The following THRAP3 variants were observed in gnomAD, a reference collection of about 807,000 sequenced individuals.
THRAP3 encodes the protein thyroid hormone receptor-associated protein 3.
A neutral mutation model predicts 101.0 loss-of-function variants in THRAP3; 16 were observed. The observed-to-expected ratio is 0.16, with a 90% CI of 0.11 to 0.24. The LOEUF (loss-of-function observed/expected upper bound fraction) is 0.24. Ranked by LOEUF, THRAP3 falls within the 10% of genes least tolerant of loss-of-function variation. The probability of loss-of-function intolerance (pLI) is 1.00; values close to 1 mark genes in which losing one functional copy is unlikely to be tolerated. For missense variants in THRAP3, 989 were observed against 1,202.7 expected, an observed-to-expected ratio of 0.82 and a Z score of 2.63; for synonymous variants, 407 against 422.6, an observed-to-expected ratio of 0.96 and a Z score of 0.45.
At position 36,259,463 on chromosome 1, in the gene THRAP3, G is replaced by T. The variant is rs1645416437; in HGVS notation, c.-53G>T. 5.0e-6 allele frequency: 2 copies of T among 398,620 alleles called. No individual in the cohort carries two copies. The highest frequency in any genetic ancestry group is 2.1e-5 in the African/African-American group (1 of 48,748). 24.7% of individuals were successfully genotyped at this position (398,620 alleles called of 1,614,324 possible). On this transcript the variant is annotated 5_prime_UTR_variant, in exon 2 of 12. Transcript: ENST00000354618. ...GGGTAGTGTCTGGGATCCAGTACGA[G>T]TTGAATCATTGTTCAAATAAGGTAA...
chr1:36,234,051 GCCCAGGGAGTCCT>G, intron 1 of THRAP3, among the ~76,000 whole-genome samples: 1 of 151,984 alleles, frequency 6.6e-6, no homozygotes, highest in East Asian at 1.9e-4. Flanking sequence ...GACCTCTTGG[GCCCAGGGAGTCCT>G]CCCACCTCAG....
At chr1:36,293,372 G>A (rs1487967482) in intron 7 of THRAP3, among the ~76,000 whole-genome samples, 1 of 152,142 alleles carries the variant, frequency 6.6e-6, no homozygotes, top group Non-Finnish European at 1.5e-5. Flanking sequence ...AATATTTCAT[G>A]GTAGTTTAAT....
rs1378987633 is a variant in THRAP3 at position 36,296,719 on chromosome 1, AAAGGTC to A, written c.2254_2259del (p.Arg752_Ser753del). The A allele has an allele frequency of 1.1e-5, 17 of 1,607,192 alleles. No individual in the cohort carries two copies. Among genetic ancestry groups the A allele is most frequent in the Non-Finnish European group, 1.4e-5 (17 of 1,178,462 alleles). ...TCCCGAGACTCCAGTCACTCAAGGG[AAAGGTC>A]AGCTGAAAAAACAGAGAAAACTCAT... On this transcript the variant is annotated inframe_deletion, in exon 9 of 12. Coordinates refer to ENST00000354618, the MANE Select transcript of THRAP3 (RefSeq NM_005119.4).
chr1:36,226,539 G>A (rs181723686), intron 1 of THRAP3, among the ~76,000 whole-genome samples: 2 of 152,242 alleles, frequency 1.3e-5, no homozygotes, highest in African/African-American at 2.4e-5. Context: ...GATTACAGGC[G>A]TAAGCCACCG....
the THRAP3 span, among the ~76,000 whole-genome samples, chr1:36,218,685 GCA>G: frequency 1.3e-5 from 2 of 151,852 alleles, no homozygotes; most frequent in African/African-American, 4.8e-5. Flanking sequence ...TTGTGCCACT[GCA>G]CTCCAGCCTG....
At chr1:36,212,418 C>CTTTTTTTTTT in the THRAP3 span, among the ~76,000 whole-genome samples, 51 of 122,050 alleles carry the variant, frequency 4.2e-4, 1 homozygote, top group African/African-American at 1.5e-3. Context: ...TTCTTTCTTT[C>CTTTTTTTTTT]TTTTTTTTTT....
chr1:36,236,342 A>G (rs1307335361), intron 1 of THRAP3, among the ~76,000 whole-genome samples: 1 of 152,118 alleles, frequency 6.6e-6, no homozygotes, highest in Non-Finnish European at 1.5e-5. Context: ...AATTTAGTTC[A>G]TCAGTCATAC....
At chr1:36,269,768 A>G (rs1645564755) in intron 2 of THRAP3, among the ~76,000 whole-genome samples, 1 of 151,826 alleles carries the variant, frequency 6.6e-6, no homozygotes, top group African/African-American at 2.4e-5. Context: ...CTGTAGAGAC[A>G]GGGTCTCACT....
the THRAP3 span, among the ~76,000 whole-genome samples, chr1:36,213,816 C>T: frequency 5.3e-5 from 8 of 150,162 alleles, no homozygotes; most frequent in East Asian, 1.6e-3. Context: ...CATTGCACTC[C>T]AGCCTGGGCA....
At chr1:36,220,824 G>A (rs1053857529), upstream of THRAP3, among the ~76,000 whole-genome samples, 13 of 151,476 alleles carry the variant, frequency 8.6e-5, no homozygotes, top group East Asian at 2.3e-3. Flanking sequence ...GTGAGGTGGC[G>A]GGTACCTGTA....
chr1:36,235,133 G>T (rs1645070694), intron 1 of THRAP3, among the ~76,000 whole-genome samples: 1 of 152,044 alleles, frequency 6.6e-6, no homozygotes, highest in Non-Finnish European at 1.5e-5. Flanking sequence ...TTAAATGGAG[G>T]TAGAAATCTC....
At chr1:36,208,730 G>C in the THRAP3 span, among the ~76,000 whole-genome samples, 1 of 151,934 alleles carries the variant, frequency 6.6e-6, no homozygotes, top group East Asian at 1.9e-4. Context: ...GCAGTGGCAC[G>C]ATCTCGCCTC....
rs182738255 is a variant in THRAP3, at chr1:36,238,354, T to C, written c.-135+13849T>C. Among the ~76,000 whole-genome samples, 242 of 152,354 alleles carry C rather than the reference T, an allele frequency of 1.6e-3. 1 individual carries two copies. The highest frequency in any genetic ancestry group is 7.8e-4 in the Non-Finnish European group (53 of 68,036). ...AATTTGGAAATTAGGCATTAAGTAC[T>C]TGCCTATGAGTGCTAGGCATTTATT... On this transcript the variant is annotated intron_variant, in intron 1 of 11. Transcript: ENST00000354618.
At chr1:36,271,309 G>A (rs961539979) in intron 2 of THRAP3, among the ~76,000 whole-genome samples, 1 of 152,030 alleles carries the variant, frequency 6.6e-6, no homozygotes, top group African/African-American at 2.4e-5. Context: ...CCAAGATGGA[G>A]TCTCATTCTG....
Position 36,304,240 on chromosome 1 carries a change from A to G in THRAP3, c.*223A>G. 2.0e-6 allele frequency: 1 copy of G among 499,492 alleles called. No individual in the cohort carries two copies. The highest frequency in any genetic ancestry group is 3.3e-6 in the Non-Finnish European group (1 of 301,330). The allele number at this position is 499,492 out of a possible 1,614,324, so 30.9% of individuals were successfully genotyped here. A position where few individuals can be genotyped will look rare whatever the true frequency, so the allele number is the denominator to read the frequency against. ...GGGGTCAGGCCCAGCTTTTGAGCAG[A>G]ATACAACGCATTGGGCTTTAGCTGT... On this transcript the variant is annotated 3_prime_UTR_variant, in exon 12 of 12. Coordinates refer to ENST00000354618, the MANE Select transcript of THRAP3 (RefSeq NM_005119.4).
intron 4 of THRAP3, 55 bp downstream of exon 4, chr1:36,287,325 T>G (rs1645809849): frequency 2.7e-5 from 41 of 1,508,656 alleles, no homozygotes; most frequent in Non-Finnish European, 3.4e-5. Flanking sequence ...AGCTGGCAGT[T>G]TAATTGTAAT....
chr1:36,291,378 A>G lies in THRAP3; in HGVS notation c.1750A>G (p.Ser584Gly). 2 of 1,613,462 alleles carry G rather than the reference A, an allele frequency of 1.2e-6. No individual in the cohort carries two copies. Among genetic ancestry groups the G allele is most frequent in the African/African-American group, 1.3e-5 (1 of 75,058 alleles). ...DSFDEDLARP[S>G]GLLAQERKLC... is the part of the protein sequence containing the mutation. Reference sequence around the variant, plus strand: ...CTCCCCATATTTCTTTTTCAGACCCAGTGGCTTATTGGCTCAGGAACGCAA... The same window carrying G: ...CTCCCCATATTTCTTTTTCAGACCCGGTGGCTTATTGGCTCAGGAACGCAA... Residue 584 changes from serine to glycine, a missense_variant, in exon 6 of 12, where the codon AGT becomes GGT. Physicochemically the swap from Ser to Gly is moderately conservative, Grantham distance 56. Transcript: ENST00000354618.
chr1:36,292,906 G>C (rs1645895144), intron 7 of THRAP3, among the ~76,000 whole-genome samples, 197 bp downstream of exon 7: 1 of 152,058 alleles, frequency 6.6e-6, no homozygotes, highest in Admixed American at 6.6e-5. Flanking sequence ...CTCTCACATT[G>C]GGCCTGAGGA....
chr1:36,293,068 A>G (rs567625986), intron 7 of THRAP3, among the ~76,000 whole-genome samples: 48 of 95,244 alleles, frequency 5.0e-4, no homozygotes, highest in Middle Eastern at 0.029. Flanking sequence ...TTGCTCTGCC[A>G]CCCAGGCTGG....
Sources: allele counts gnomAD v4.1 joint callset (sites outside exome capture counted in the v4.1 genomes callset), GRCh38; gene constraint gnomAD v4.1.1; transcripts MANE v1.5; gene names NCBI Gene and HGNC (gene_info 2026-07-23, HGNC 2026-07-21).